ADAMTS3: variants seen among roughly 807,000 people sequenced by gnomAD.
The protein encoded by ADAMTS3 is ADAM metallopeptidase with thrombospondin type 1 motif 3.
ADAMTS3 carries 73 observed loss-of-function variants against 129.0 expected under a neutral mutation model. The ratio of observed to expected loss-of-function variants is 0.57; its 90% CI spans 0.47 to 0.69. The LOEUF (loss-of-function observed/expected upper bound fraction) is 0.69. Among genes scored for constraint, ADAMTS3 ranks in the 30% least tolerant of loss-of-function variants. The pLI is 0.00. For missense variants in ADAMTS3, 1,457 were observed against 1,514.5 expected, an observed-to-expected ratio of 0.96 and a Z score of 0.63; for synonymous variants, 477 against 510.8, an observed-to-expected ratio of 0.93 and a Z score of 0.89.
chr4:72,526,975 T>C (rs1284933621), intron 3 of ADAMTS3, among the ~76,000 whole-genome samples: 3 of 152,034 alleles, frequency 2.0e-5, no homozygotes, highest in South Asian at 2.1e-4. Context: ...TAAGTGGCAA[T>C]TGTTGACAAG....
chr4:72,550,636 G>C (rs1721622059), intron 2 of ADAMTS3, among the ~76,000 whole-genome samples: 2 of 152,176 alleles, frequency 1.3e-5, no homozygotes, highest in Non-Finnish European at 2.9e-5. Flanking sequence ...TGCTGAACTA[G>C]ACTAGGCACC....
chr4:72,501,262 GTTTA>G (rs1018436215), intron 3 of ADAMTS3, among the ~76,000 whole-genome samples: 8 of 151,840 alleles, frequency 5.3e-5, no homozygotes, highest in African/African-American at 1.9e-4. Context: ...ATTTTTTTCA[GTTTA>G]TTTGTGTCAT....
At chr4:72,389,238 C>T (rs1721523112) in intron 4 of ADAMTS3, among the ~76,000 whole-genome samples, 1 of 152,168 alleles carries the variant, frequency 6.6e-6, no homozygotes, top group African/African-American at 2.4e-5. Flanking sequence ...TAATTCTTTA[C>T]CGCACAGGTA....
At chr4:72,478,881 C>T (rs1383444172) in intron 3 of ADAMTS3, among the ~76,000 whole-genome samples, 2 of 151,654 alleles carry the variant, frequency 1.3e-5, no homozygotes, top group Non-Finnish European at 2.9e-5. Context: ...AAATCACAAG[C>T]ATTCTTATAC....
rs1472761372 is a variant in ADAMTS3, at chr4:72,459,042, T to A, written c.505-44071A>T. 1.3e-4 allele frequency among the ~76,000 whole-genome samples: 19 copies of A among 151,754 alleles called. No individual in the cohort carries two copies. In the Admixed American group the frequency reaches 1.3e-3, roughly 10 times the overall value. On this transcript the variant is annotated intron_variant, in intron 3 of 21. Transcript: ENST00000286657. ...TTGTATACAAAAAGTTCTTTTTACTTCTGAAAAACATTTTACATACTGTAA... is the reference window on the plus strand; with the variant it reads ...TTGTATACAAAAAGTTCTTTTTACTACTGAAAAACATTTTACATACTGTAA...
intron 3 of ADAMTS3, among the ~76,000 whole-genome samples, chr4:72,480,316 C>G (rs1390993063): frequency 6.6e-6 from 1 of 152,048 alleles, no homozygotes; most frequent in Admixed American, 6.5e-5. Flanking sequence ...CAATGATAGA[C>G]TAGATTAAGA....
At chr4:72,370,724 T>A (rs1300104626) in intron 4 of ADAMTS3, among the ~76,000 whole-genome samples, 3 of 152,138 alleles carry the variant, frequency 2.0e-5, no homozygotes, top group African/African-American at 7.2e-5. Flanking sequence ...CACTCCATCC[T>A]GGGTGACAGA....
chr4:72,517,676 G>C (rs1251749317), intron 3 of ADAMTS3, among the ~76,000 whole-genome samples: 2 of 151,962 alleles, frequency 1.3e-5, no homozygotes, highest in Non-Finnish European at 2.9e-5. Flanking sequence ...TGGGATCGGT[G>C]GTGATATCCC....
intron 4 of ADAMTS3, among the ~76,000 whole-genome samples, chr4:72,414,603 A>C (rs1237207393): frequency 6.6e-6 from 1 of 152,028 alleles, no homozygotes; most frequent in Non-Finnish European, 1.5e-5. Flanking sequence ...TATCAGGGAT[A>C]TATAACACAC....
In ADAMTS3 at chr4:72,295,723, A is replaced by G; in HGVS notation, c.2654T>C (p.Phe885Ser). The change falls in exon 19 of 22, where the codon TTC becomes TCC. Residue 885 changes from phenylalanine (F) to serine (S), a missense_variant. Coordinates refer to ENST00000286657, the MANE Select transcript of ADAMTS3 (RefSeq NM_014243.3). ...KSDNKMVHRS[F>S]CEANKKPKPI... The stretch of plus-strand genomic sequence containing the variant: ...TTTCGGCTTTTTGTTGGCCTCACAG[A>G]AGCTGCGATGGACCATTTTATTATC... The G allele has an allele frequency of 6.2e-7, 1 of 1,613,044 alleles. No individual in the cohort carries two copies. Among genetic ancestry groups the G allele is most frequent in the African/African-American group, 1.3e-5 (1 of 75,002 alleles).
At position 72,281,490 on chromosome 4, in the gene ADAMTS3, A is replaced by C. The variant is rs1718340342; in HGVS notation, c.*1646T>G. On this transcript the variant is annotated 3_prime_UTR_variant, in exon 22 of 22. Coordinates refer to ENST00000286657, the MANE Select transcript of ADAMTS3 (RefSeq NM_014243.3). ...GATATCACTATCTCCTCTCATGTAC[A>C]TGTAATTCATGATGCACTTATCTCT... 6.6e-6 allele frequency: 1 copy of C among 152,334 alleles called. No homozygotes were observed. Among genetic ancestry groups the C allele is most frequent in the Non-Finnish European group, 1.5e-5 (1 of 68,028 alleles). The allele number at this position is 152,334 out of a possible 1,614,324, so 9.4% of individuals were successfully genotyped here. A position where few individuals can be genotyped will look rare whatever the true frequency, so the allele number is the denominator to read the frequency against.
At chr4:72,401,594 G>GA (rs75623574) in intron 4 of ADAMTS3, among the ~76,000 whole-genome samples, 6 of 117,846 alleles carry the variant, frequency 5.1e-5, no homozygotes, top group African/African-American at 1.3e-4. Context: ...AAAAAGAAAA[G>GA]AAAAAAAAAG....
At position 72,309,518 on chromosome 4, in the gene ADAMTS3, T is replaced by C. The variant is rs200807344; in HGVS notation, c.2058A>G (p.Lys686=). The change falls in exon 15 of 22, where the codon AAA becomes AAG. Residue 686 remains lysine (K), a splice_region_variant and synonymous_variant. Transcript: ENST00000286657. ...YSICVRGECV[K]VGCDKEIGSN... The stretch of plus-strand genomic sequence containing the variant: ...AACCAATTTCTTTATCACAGCCCAC[T>C]TTCTGGAGAGAGAAGATGTCAAATG... 5 of 1,611,272 alleles carry C rather than the reference T, an allele frequency of 3.1e-6. No homozygotes were observed. The highest frequency in any genetic ancestry group is 4.5e-5 in the East Asian group (2 of 44,770).
intron 3 of ADAMTS3, among the ~76,000 whole-genome samples, chr4:72,534,310 G>C (rs1721132506): frequency 6.6e-6 from 1 of 151,428 alleles, no homozygotes; most frequent in Admixed American, 6.6e-5. Flanking sequence ...ATGGGCGACA[G>C]AGCGAGACTC....
chr4:72,519,206 C>T (rs1289851976), intron 3 of ADAMTS3, among the ~76,000 whole-genome samples: 2 of 152,232 alleles, frequency 1.3e-5, no homozygotes, highest in East Asian at 1.9e-4. Context: ...CCGAGAGATC[C>T]GCTGTTAGTC....
intron 12 of ADAMTS3, 142 bp downstream of exon 12, chr4:72,313,535 C>A (rs1221095397): frequency 3.8e-6 from 3 of 791,378 alleles, no homozygotes; most frequent in Non-Finnish European, 5.7e-6. Context: ...ATCAAAAACA[C>A]AGACTGGTTT....
intron 3 of ADAMTS3, among the ~76,000 whole-genome samples, chr4:72,444,756 A>T (rs1204937641): frequency 1.3e-5 from 2 of 151,810 alleles, no homozygotes; most frequent in African/African-American, 4.8e-5. Flanking sequence ...TCAGATTACA[A>T]TATGAGATAA....
intron 3 of ADAMTS3, among the ~76,000 whole-genome samples, chr4:72,447,719 T>A (rs1005940492): frequency 1.1e-4 from 17 of 151,730 alleles, no homozygotes; most frequent in African/African-American, 3.9e-4. Context: ...TGCAGTAGAT[T>A]ACTAAACATA....
chr4:72,302,620 T>G (rs774763283), intron 17 of ADAMTS3, among the ~76,000 whole-genome samples: 1 of 151,990 alleles, frequency 6.6e-6, no homozygotes, highest in Non-Finnish European at 1.5e-5. Flanking sequence ...TACCCAAATT[T>G]GGTCAAAAAC....
Sources: gnomAD v4.1 joint callset for allele counts (sites outside exome capture counted in the v4.1 genomes callset) on GRCh38, gnomAD v4.1.1 for gene constraint, MANE v1.5 for transcripts, NCBI Gene and HGNC (gene_info 2026-07-23, HGNC 2026-07-21) for gene names.